Variants in NOTCH2NLC observed in about 807,000 individuals in gnomAD.
The protein encoded by NOTCH2NLC is notch 2 N-terminal like C, also known as notch homolog 2 N-terminal-like protein C.
Under a neutral mutation model 17.7 loss-of-function variants are expected in NOTCH2NLC, and 4 were observed. That is an observed-to-expected ratio of 0.23 (90% CI 0.11 to 0.52). The LOEUF (loss-of-function observed/expected upper bound fraction) is 0.52. Ranked by LOEUF, NOTCH2NLC falls within the 20% of genes least tolerant of loss-of-function variation. NOTCH2NLC has a pLI of 0.96. For missense variants in NOTCH2NLC, 57 were observed against 207.2 expected (o/e 0.28, Z 4.45); for synonymous variants, 18 against 86.0 (o/e 0.21, Z 4.38).
chr1:149,433,546 A>G (rs1370752972), intron 2 of NOTCH2NLC, among the ~76,000 whole-genome samples: 3 of 148,712 alleles, frequency 2.0e-5, no homozygotes, highest in African/African-American at 4.9e-5. Context: ...TTGGTGACTT[A>G]TATATGGAGA....
At chr1:149,451,579 T>G (rs1274232828) in intron 2 of NOTCH2NLC, among the ~76,000 whole-genome samples, 1 of 150,860 alleles carries the variant, frequency 6.6e-6, no homozygotes, top group Non-Finnish European at 1.5e-5. Flanking sequence ...AAAGCAAATA[T>G]GTGGTTCTGT....
chr1:149,410,457 C>T (rs1194268718), intron 1 of NOTCH2NLC, among the ~76,000 whole-genome samples: 3 of 143,990 alleles, frequency 2.1e-5, no homozygotes, highest in African/African-American at 7.7e-5. Flanking sequence ...AATTACTGGG[C>T]TCAATCTAGT....
rs1269258098 is a variant in NOTCH2NLC at position 149,419,031 on chromosome 1, T to C, written c.136-11911T>C. 1.3e-3 allele frequency among the ~76,000 whole-genome samples: 192 copies of C among 150,342 alleles called. 2 individuals are homozygous for C. Among genetic ancestry groups the C allele is most frequent in the Admixed American group, 8.0e-3 (120 of 15,088 alleles). On this transcript the variant is annotated intron_variant, in intron 1 of 4. Coordinates refer to ENST00000650865, the MANE Select transcript of NOTCH2NLC (RefSeq NM_001364013.2). ...TCCTCTCTCTTTCCCTTTCCCTTCC[T>C]CTCTCTCCTTTCTTTTTTTCTTTCT...
In NOTCH2NLC at chr1:149,441,824, T is replaced by C. The variant is rs1393580897; in HGVS notation, c.209+10809T>C. ...CAGTTTGTGACAGAAGCAGACTCTC[T>C]AATTAGGAGACATCACCTATTCTTT... is the stretch of plus-strand genomic sequence containing the variant. On this transcript the variant is annotated intron_variant, in intron 2 of 4. Transcript: ENST00000650865. Among the ~76,000 whole-genome samples the C allele has an allele frequency of 5.5e-3, 198 of 36,088 alleles. 4 individuals are homozygous for C. The highest frequency in any genetic ancestry group is 0.021 in the African/African-American group (182 of 8,662). The allele number at this position is 36,088 out of a possible 152,430, so 23.7% of individuals were successfully genotyped here. A position where few individuals can be genotyped will look rare whatever the true frequency, so the allele number is the denominator to read the frequency against.
At chr1:149,457,594 G>A (rs1257024121) in intron 3 of NOTCH2NLC, among the ~76,000 whole-genome samples, 3 of 150,122 alleles carry the variant, frequency 2.0e-5, no homozygotes, top group Non-Finnish European at 4.5e-5. Flanking sequence ...TGATCACGAG[G>A]TCCCACAATA....
chr1:149,409,240 A>T (rs2084285097), intron 1 of NOTCH2NLC: 1 of 151,036 alleles, frequency 6.6e-6, no homozygotes, highest in Non-Finnish European at 1.5e-5. Context: ...AGGAATATTT[A>T]TGGCTTTGGT....
In NOTCH2NLC at chr1:149,468,958, CTTTTTTTTTTT is replaced by C. The variant is rs1175539238; in HGVS notation, c.*4819_*4829del. Reference sequence around the variant, plus strand: ...GGCATGTGTCATTTTCTTTTCTTTTCTTTTTTTTTTTTTTTTTTTTTTTTGAGACGGAGCAT... The same window carrying C: ...GGCATGTGTCATTTTCTTTTCTTTTCTTTTTTTTTTTTTGAGACGGAGCAT... On this transcript the variant is annotated 3_prime_UTR_variant, in exon 5 of 5. Transcript: ENST00000650865. Among the ~76,000 whole-genome samples the C allele has an allele frequency of 1.9e-5, 1 of 53,452 alleles. No individual in the cohort carries two copies. The highest frequency in any genetic ancestry group is 9.3e-5 in the African/African-American group (1 of 10,736). 35.1% of individuals were successfully genotyped at this position (53,452 alleles called of 152,430 possible).
At chr1:149,419,853 A>T (rs1432843915) in intron 1 of NOTCH2NLC, among the ~76,000 whole-genome samples, 5 of 110,900 alleles carry the variant, frequency 4.5e-5, no homozygotes, top group Admixed American at 1.0e-4. Context: ...ATATATATAT[A>T]TATTTTTTTT....
chr1:149,450,090 C>G (rs1358318195), intron 2 of NOTCH2NLC, among the ~76,000 whole-genome samples: 8 of 143,144 alleles, frequency 5.6e-5, no homozygotes, highest in African/African-American at 2.1e-4. Flanking sequence ...CTGCTATGAA[C>G]ATTTTTATTA....
Position 149,410,444 on chromosome 1 carries a change from A to G in NOTCH2NLC, c.135+19522A>G, listed in dbSNP as rs1468740626. On this transcript the variant is annotated intron_variant, in intron 1 of 4. Transcript: ENST00000650865. ...ACCTTTTGGGAAATTAAGGTTCTATAGAAATTACTGGGCTCAATCTAGTGA... is the reference window on the plus strand; with the variant it reads ...ACCTTTTGGGAAATTAAGGTTCTATGGAAATTACTGGGCTCAATCTAGTGA... 1.4e-3 allele frequency among the ~76,000 whole-genome samples: 201 copies of G among 146,186 alleles called. 1 individual carries two copies. The highest frequency in any genetic ancestry group is 4.7e-3 in the African/African-American group (187 of 39,816).
At chr1:149,420,162 G>A (rs1299443428) in intron 1 of NOTCH2NLC, among the ~76,000 whole-genome samples, 1 of 150,298 alleles carries the variant, frequency 6.7e-6, no homozygotes, top group Non-Finnish European at 1.5e-5. Flanking sequence ...GAGCCACCGT[G>A]CCTGGCCGTT....
intron 1 of NOTCH2NLC, among the ~76,000 whole-genome samples, chr1:149,423,500 A>AT (rs1298106509): frequency 6.7e-6 from 1 of 148,752 alleles, no homozygotes; most frequent in African/African-American, 2.5e-5. Context: ...CAATTCTCCT[A>AT]TTTTTGGTAA....
At chr1:149,412,268 C>G (rs1380445639) in intron 1 of NOTCH2NLC, among the ~76,000 whole-genome samples, 709 of 146,134 alleles carry the variant, frequency 4.9e-3, no homozygotes, top group African/African-American at 0.017. Flanking sequence ...TGGTAGGTCT[C>G]CAACAGCACT....
intron 1 of NOTCH2NLC, among the ~76,000 whole-genome samples, chr1:149,412,800 G>C (rs1362446569): frequency 5.2e-5 from 5 of 95,368 alleles, no homozygotes; most frequent in African/African-American, 2.0e-4. Context: ...GCAATAGAGA[G>C]AGACTGCATC....
At chr1:149,432,612 C>G (rs2084459410) in intron 2 of NOTCH2NLC, among the ~76,000 whole-genome samples, 1 of 151,142 alleles carries the variant, frequency 6.6e-6, no homozygotes, top group Admixed American at 6.6e-5. Context: ...TTGCTTTATT[C>G]TGTTAACTAC....
At chr1:149,445,705 T>C (rs1260404120) in intron 2 of NOTCH2NLC, among the ~76,000 whole-genome samples, 4 of 150,576 alleles carry the variant, frequency 2.7e-5, no homozygotes, top group African/African-American at 9.8e-5. Flanking sequence ...GGAACTTTAA[T>C]GAGGAGCAGC....
chr1:149,432,566 G>T (rs1474823575), intron 2 of NOTCH2NLC, among the ~76,000 whole-genome samples: 1 of 150,958 alleles, frequency 6.6e-6, no homozygotes, highest in Non-Finnish European at 1.5e-5. Context: ...CTGAAATCTT[G>T]TTTAGTCTTT....
intron 1 of NOTCH2NLC, among the ~76,000 whole-genome samples, chr1:149,424,762 A>G (rs2084403301): frequency 6.6e-6 from 1 of 151,314 alleles, no homozygotes; most frequent in Non-Finnish European, 1.5e-5. Context: ...TAGAGCCAAC[A>G]TCTGCTTCTG....
chr1:149,429,242 G>C (rs2084430241), intron 1 of NOTCH2NLC, among the ~76,000 whole-genome samples: 2 of 150,760 alleles, frequency 1.3e-5, no homozygotes, highest in Admixed American at 6.6e-5. Context: ...CCACCAGCTA[G>C]TGGTGCGATG....
Sources: allele counts gnomAD v4.1 joint callset (sites outside exome capture counted in the v4.1 genomes callset), GRCh38; gene constraint gnomAD v4.1.1; transcripts MANE v1.5; gene names NCBI Gene and HGNC (gene_info 2026-07-23, HGNC 2026-07-21).